The following RALGAPB variants were observed in gnomAD, a reference collection of about 807,000 sequenced individuals.
The protein encoded by RALGAPB is Ral GTPase activating protein non-catalytic subunit beta.
RALGAPB carries 25 observed loss-of-function variants against 161.1 expected under a neutral mutation model. The ratio of observed to expected loss-of-function variants is 0.16; its 90% CI spans 0.11 to 0.22. RALGAPB has a LOEUF of 0.22. Among genes scored for constraint, RALGAPB ranks in the 10% least tolerant of loss-of-function variants. The probability of loss-of-function intolerance (pLI) is 1.00; values close to 1 mark genes in which losing one functional copy is unlikely to be tolerated. For missense variants in RALGAPB, 1,391 were observed against 1,815.2 expected (o/e 0.77, Z 4.25); for synonymous variants, 629 against 626.1 (o/e 1.00, Z -0.07).
chr20:38,551,316 G>A, intron 21 of RALGAPB, 93 bp downstream of exon 21: 1 of 1,415,700 alleles, frequency 7.1e-7, no homozygotes, highest in South Asian at 1.3e-5. Context: ...TGTTGTTGGA[G>A]ATGATTTTTA....
intron 26 of RALGAPB, 40 bp from the exon 27 acceptor site, chr20:38,569,848 G>C (rs748092537): frequency 6.5e-7 from 1 of 1,530,560 alleles, no homozygotes; most frequent in Admixed American, 1.7e-5. Context: ...TTTTGTTGCT[G>C]TTGTTTTTCC....
At chr20:38,572,793 C>T (rs1256895360) in intron 28 of RALGAPB, among the ~76,000 whole-genome samples, 1 of 152,112 alleles carries the variant, frequency 6.6e-6, no homozygotes, top group East Asian at 1.9e-4. Context: ...GATAGCTAAA[C>T]AACATCGCAA....
At chr20:38,497,000 C>T (rs918567545) in intron 3 of RALGAPB, among the ~76,000 whole-genome samples, 2 of 152,050 alleles carry the variant, frequency 1.3e-5, no homozygotes, top group African/African-American at 2.4e-5. Flanking sequence ...GCAAGGGTGG[C>T]GGTGGGTATT....
intron 6 of RALGAPB, among the ~76,000 whole-genome samples, chr20:38,510,809 C>G (rs2123038624): frequency 7.4e-6 from 1 of 135,392 alleles, no homozygotes; most frequent in East Asian, 2.0e-4. Flanking sequence ...ACTTGGGAGG[C>G]TGAGGCAGGA....
At chr20:38,543,945 G>A (rs1045018034) in intron 18 of RALGAPB, among the ~76,000 whole-genome samples, 13 of 152,088 alleles carry the variant, frequency 8.5e-5, no homozygotes. Flanking sequence ...CGCCAGTCTG[G>A]GGAGCACATT....
At chr20:38,543,775 G>A (rs1048435680) in intron 18 of RALGAPB, among the ~76,000 whole-genome samples, 1 of 152,172 alleles carries the variant, frequency 6.6e-6, no homozygotes, top group Non-Finnish European at 1.5e-5. Flanking sequence ...AGTGCTTATA[G>A]CAAATCTATC....
intron 13 of RALGAPB, among the ~76,000 whole-genome samples, chr20:38,530,756 C>A (rs1303086847): frequency 6.6e-6 from 1 of 151,674 alleles, no homozygotes; most frequent in Admixed American, 6.6e-5. Flanking sequence ...ACCACCATAC[C>A]CGGCTAATTT....
At chr20:38,511,484 C>G (rs568407409) in intron 6 of RALGAPB, among the ~76,000 whole-genome samples, 25 of 152,140 alleles carry the variant, frequency 1.6e-4, no homozygotes, top group African/African-American at 6.0e-4. Flanking sequence ...CTGCCGCCTT[C>G]CGCAGTGTTT....
intron 6 of RALGAPB, among the ~76,000 whole-genome samples, chr20:38,509,712 T>C (rs2085875487): frequency 6.6e-6 from 1 of 152,240 alleles, no homozygotes; most frequent in African/African-American, 2.4e-5. Context: ...CAGTTCAGCT[T>C]CATCACTTTT....
Position 38,535,220 on chromosome 20 carries a change from G to A in RALGAPB, c.2379+13G>A, listed in dbSNP as rs375429618. ...TGGCCTTGCAAAGGTGAGGAAGACA[G>A]TCCTTTTATTTTAACCCAACAGCCT... On this transcript the variant is annotated intron_variant, in intron 16 of 29. Transcript: ENST00000262879. 1 of 1,613,692 alleles carries A rather than the reference G, an allele frequency of 6.2e-7. No individual in the cohort carries two copies. Among genetic ancestry groups the A allele is most frequent in the Non-Finnish European group, 8.5e-7 (1 of 1,179,808 alleles).
chr20:38,540,986 G>A, intron 17 of RALGAPB, 55 bp from the exon 18 acceptor site: 1 of 1,575,542 alleles, frequency 6.3e-7, no homozygotes, highest in Non-Finnish European at 8.6e-7. Flanking sequence ...GGATTTCCTT[G>A]TCTTCTCATG....
Position 38,511,082 on chromosome 20 carries a change from CAG to C in RALGAPB, c.872+1879_872+1880del, listed in dbSNP as rs376153632. ...TCGTATCTGGCTAGCAGATGGGGAA[CAG>C]AGAGCAAGGAAAATTTTGTGGGAGG... On this transcript the variant is annotated intron_variant, in intron 6 of 29. Coordinates refer to ENST00000262879, the MANE Select transcript of RALGAPB (RefSeq NM_020336.4). 4.2e-3 allele frequency among the ~76,000 whole-genome samples: 639 copies of C among 152,176 alleles called. 3 individuals carry two copies. Among genetic ancestry groups the C allele is most frequent in the African/African-American group, 0.015 (608 of 41,522 alleles).
chr20:38,536,921 G>A (rs2086824205), intron 16 of RALGAPB, among the ~76,000 whole-genome samples: 1 of 152,158 alleles, frequency 6.6e-6, no homozygotes, highest in African/African-American at 2.4e-5. Context: ...GCAGTTACTG[G>A]TACAGAAAAT....
Position 38,517,929 on chromosome 20 carries a change from C to A in RALGAPB, c.1346C>A (p.Ser449Ter). 6.2e-7 allele frequency: 1 copy of A among 1,614,068 alleles called. No individual in the cohort carries two copies. Among genetic ancestry groups the A allele is most frequent in the Non-Finnish European group, 8.5e-7 (1 of 1,179,956 alleles). Residue 449 changes from serine to a stop codon, truncating the protein, a stop_gained, in exon 9 of 30, where the codon TCA becomes TAA. Coordinates refer to ENST00000262879, the MANE Select transcript of RALGAPB (RefSeq NM_020336.4). LOFTEE classifies it high-confidence loss of function. ...AACAGCATCTTGAATCTCTTTGGAT[C>A]ATGGTTATTTGATGCAGCATTTGTT... ...KVNSILNLFGSWLFDAAFVHC... is the reference protein window; with the variant it reads ...KVNSILNLFG
rs545326790 is a variant in RALGAPB at position 38,577,881 on chromosome 20, A to G, written c.*2914A>G. Reference sequence around the variant, plus strand: ...TGCAGGTTCTGTGTATGAGGCCTTCATGAACGGTTACCTTCTCCATACACT... The same window carrying G: ...TGCAGGTTCTGTGTATGAGGCCTTCGTGAACGGTTACCTTCTCCATACACT... On this transcript the variant is annotated 3_prime_UTR_variant, in exon 30 of 30. Coordinates refer to ENST00000262879, the MANE Select transcript of RALGAPB (RefSeq NM_020336.4). 1 of 152,258 alleles carries G rather than the reference A, an allele frequency of 6.6e-6. No homozygotes were observed. Among genetic ancestry groups the G allele is most frequent in the African/African-American group, 2.4e-5 (1 of 41,524 alleles). 9.4% of individuals were successfully genotyped at this position (152,258 alleles called of 1,614,324 possible).
intron 2 of RALGAPB, among the ~76,000 whole-genome samples, chr20:38,490,751 C>A (rs2085256472): frequency 6.6e-6 from 1 of 152,124 alleles, no homozygotes; most frequent in Admixed American, 6.5e-5. Context: ...CTCAGGTGAT[C>A]CACCCACCTT....
At chr20:38,530,202 A>G (rs2086612385) in intron 13 of RALGAPB, among the ~76,000 whole-genome samples, 1 of 152,200 alleles carries the variant, frequency 6.6e-6, no homozygotes, top group Admixed American at 6.5e-5. Flanking sequence ...TTAGCATCAC[A>G]TTGTATTTTA....
intron 10 of RALGAPB, among the ~76,000 whole-genome samples, chr20:38,524,237 C>T (rs895927262): frequency 3.9e-5 from 6 of 152,136 alleles, no homozygotes; most frequent in African/African-American, 1.2e-4. Context: ...TACAGATGAT[C>T]GAATGCAGGT....
chr20:38,516,535 G>A (rs1317625392), intron 7 of RALGAPB, 165 bp downstream of exon 7: 1 of 686,646 alleles, frequency 1.5e-6, no homozygotes, highest in South Asian at 2.8e-5. Flanking sequence ...TAGCCAGAGG[G>A]TTATCGTTTC....
Sources: allele counts gnomAD v4.1 joint callset (sites outside exome capture counted in the v4.1 genomes callset), GRCh38; gene constraint gnomAD v4.1.1; transcripts MANE v1.5; gene names NCBI Gene and HGNC (gene_info 2026-07-23, HGNC 2026-07-21).